The following CFAP20DC variants were observed in gnomAD, a reference collection of about 807,000 sequenced individuals.
CFAP20DC encodes the protein CFAP20 domain containing, also known as protein CFAP20DC.
CFAP20DC carries 84 observed loss-of-function variants against 101.7 expected under a neutral mutation model. That is an observed-to-expected ratio of 0.83 (90% CI 0.69 to 0.99). The LOEUF (loss-of-function observed/expected upper bound fraction) is 0.99. Ranked by LOEUF, CFAP20DC falls within the 50% of genes least tolerant of loss-of-function variation. CFAP20DC has a pLI of 0.00. For synonymous variants in CFAP20DC, 359 were observed against 351.2 expected (o/e 1.02, Z -0.25); for missense variants, 1,007 against 970.3 (o/e 1.04, Z -0.50).
At chr3:58,808,415 T>A (rs1205182134) in intron 14 of CFAP20DC, among the ~76,000 whole-genome samples, 1 of 152,222 alleles carries the variant, frequency 6.6e-6, no homozygotes, top group Non-Finnish European at 1.5e-5. Context: ...ATATTCAACA[T>A]TCTTAAAGAA....
chr3:58,805,872 T>A (rs933176028), intron 15 of CFAP20DC, among the ~76,000 whole-genome samples: 1 of 152,164 alleles, frequency 6.6e-6, no homozygotes, highest in East Asian at 1.9e-4. Flanking sequence ...TGAAATAAAA[T>A]AATTTTGAGA....
intron 16 of CFAP20DC, among the ~76,000 whole-genome samples, chr3:58,747,219 A>C (rs760411068): frequency 7.9e-5 from 12 of 152,172 alleles, no homozygotes; most frequent in Non-Finnish European, 1.5e-4. Flanking sequence ...TCAGATAATA[A>C]TCTATTTACA....
intron 6 of CFAP20DC, among the ~76,000 whole-genome samples, chr3:58,909,137 A>C (rs927875400): frequency 1.3e-5 from 2 of 152,296 alleles, no homozygotes; most frequent in East Asian, 1.9e-4. Flanking sequence ...AATGAATTCT[A>C]ATGTAAACTA....
chr3:58,734,666 C>T (rs2067711162), intron 3 of CFAP20DC: 1 of 436,634 alleles, frequency 2.3e-6, no homozygotes, highest in East Asian at 7.0e-5. Context: ...TCCCCAAGTT[C>T]CCTCTAACTT....
chr3:58,780,411 A>G (rs2071718270), intron 15 of CFAP20DC, among the ~76,000 whole-genome samples: 2 of 152,120 alleles, frequency 1.3e-5, no homozygotes, highest in Admixed American at 6.5e-5. Context: ...AAAATCAAGT[A>G]ATGAAATAAC....
At chr3:58,960,269 G>C (rs1003495464) in intron 4 of CFAP20DC, among the ~76,000 whole-genome samples, 8 of 151,442 alleles carry the variant, frequency 5.3e-5, no homozygotes, top group Non-Finnish European at 7.4e-5. Flanking sequence ...GAGGTGGGTG[G>C]ATCACCTGAG....
Position 58,874,394 on chromosome 3 carries a change from A to G in CFAP20DC, c.716-4085T>C, listed in dbSNP as rs2080556707. Among the ~76,000 whole-genome samples the G allele has an allele frequency of 6.6e-6, 1 of 152,182 alleles. No individual in the cohort carries two copies. The highest frequency in any genetic ancestry group is 1.5e-5 in the Non-Finnish European group (1 of 68,032). ...CAAAATGCAGCCAGAGAGGTTTTAT[A>G]CAAACATAAATCTAATTGAGTCATT... On this transcript the variant is annotated intron_variant, in intron 7 of 16. Transcript: ENST00000482387. This position sits in a 1 kb window ranked among gnomAD's most constrained non-coding sequence, Gnocchi z 5.1.
chr3:58,890,308 G>A (rs2082066165), intron 6 of CFAP20DC, among the ~76,000 whole-genome samples: 1 of 146,314 alleles, frequency 6.8e-6, no homozygotes, highest in Admixed American at 6.7e-5. Context: ...CGGGCGGGGG[G>A]CTGACCCCCC....
At chr3:58,967,972 T>G (rs1163434008) in intron 4 of CFAP20DC, among the ~76,000 whole-genome samples, 1 of 152,228 alleles carries the variant, frequency 6.6e-6, no homozygotes, top group South Asian at 2.1e-4. Flanking sequence ...TTTAGTTTTC[T>G]GTTCCTGTGA....
chr3:58,753,775 C>T lies in CFAP20DC; in HGVS notation c.2326G>A (p.Val776Ile). The T allele has an allele frequency of 1.9e-6, 3 of 1,608,140 alleles. No individual in the cohort carries two copies. The highest frequency in any genetic ancestry group is 1.1e-5 in the South Asian group (1 of 90,674). The change falls in exon 16 of 17, where the codon GTT becomes ATT. Residue 776 changes from valine (V) to isoleucine (I), a missense_variant. Physicochemically the swap from Val to Ile is conservative, Grantham distance 29. Coordinates refer to ENST00000482387, the MANE Select transcript of CFAP20DC (RefSeq NM_001394063.1). ...TCGTTTTTCATAGTCCCACCTTGAA[C>T]ACTCAAACTTTCACAGGAATCTGGA... ...QRPDSCESLSVQGEEDLSVEE... is the reference protein window; with the variant it reads ...QRPDSCESLSIQGEEDLSVEE...
intron 4 of CFAP20DC, among the ~76,000 whole-genome samples, chr3:58,943,190 A>C (rs1468921850): frequency 6.6e-6 from 1 of 152,174 alleles, no homozygotes; most frequent in Non-Finnish European, 1.5e-5. Flanking sequence ...CTCTGAAGAG[A>C]GCAGCAGATC....
At chr3:58,731,168 T>C (rs1374789502) in intron 3 of CFAP20DC, among the ~76,000 whole-genome samples, 1 of 152,226 alleles carries the variant, frequency 6.6e-6, no homozygotes, top group Non-Finnish European at 1.5e-5. Flanking sequence ...CTGTATCCCT[T>C]ATCAGTTGTA....
At chr3:58,816,261 C>CA (rs2075124429) in intron 14 of CFAP20DC, among the ~76,000 whole-genome samples, 2 of 152,086 alleles carry the variant, frequency 1.3e-5, no homozygotes, top group African/African-American at 4.8e-5. Context: ...ATCGCAAGAA[C>CA]AAAAAACCAA....
intron 4 of CFAP20DC, among the ~76,000 whole-genome samples, chr3:58,983,726 C>T (rs2092661658): frequency 6.6e-6 from 1 of 152,016 alleles, no homozygotes; most frequent in Non-Finnish European, 1.5e-5. Context: ...TTAATCTGTG[C>T]CAAGTGCTAT....
At chr3:58,941,115 G>A (rs1181404704) in intron 4 of CFAP20DC, among the ~76,000 whole-genome samples, 1 of 151,958 alleles carries the variant, frequency 6.6e-6, no homozygotes. Context: ...TGGATCACGA[G>A]GTCAAGAGAT....
At chr3:58,981,611 A>G (rs2092549055) in intron 4 of CFAP20DC, among the ~76,000 whole-genome samples, 1 of 152,230 alleles carries the variant, frequency 6.6e-6, no homozygotes, top group African/African-American at 2.4e-5. Flanking sequence ...TGGGGAAAGG[A>G]TTCCCTATTT....
At chr3:59,026,114 C>T (rs748708783) in intron 4 of CFAP20DC, among the ~76,000 whole-genome samples, 16 of 151,754 alleles carry the variant, frequency 1.1e-4, no homozygotes, top group Admixed American at 2.6e-4. Flanking sequence ...TTCACTAATG[C>T]GTGTAACAAA....
intron 14 of CFAP20DC, among the ~76,000 whole-genome samples, chr3:58,826,178 A>C (rs964910196): frequency 6.6e-6 from 1 of 152,212 alleles, no homozygotes; most frequent in Non-Finnish European, 1.5e-5. Flanking sequence ...TTGGGTGTAT[A>C]TTTAATATCC....
intron 4 of CFAP20DC, among the ~76,000 whole-genome samples, chr3:58,967,059 A>G (rs2108307303): frequency 1.3e-5 from 2 of 152,320 alleles, no homozygotes; most frequent in Non-Finnish European, 2.9e-5. Context: ...AGCAATCTTG[A>G]AAAGCATGAA....
Sources: allele counts gnomAD v4.1 joint callset (sites outside exome capture counted in the v4.1 genomes callset), GRCh38; gene constraint gnomAD v4.1.1; non-coding constraint Gnocchi (gnomAD v3.1); transcripts MANE v1.5; gene names NCBI Gene and HGNC (gene_info 2026-07-23, HGNC 2026-07-21).